The following EPB41L3 variants were observed in gnomAD, a reference collection of about 807,000 sequenced individuals.
The protein encoded by EPB41L3 is erythrocyte membrane protein band 4.1 like 3, also known as band 4.1-like protein 3.
A neutral mutation model predicts 127.1 loss-of-function variants in EPB41L3; 57 were observed. That is an observed-to-expected ratio of 0.45 (90% confidence interval 0.36 to 0.56). EPB41L3 has a LOEUF of 0.56. Among genes scored for constraint, EPB41L3 ranks in the 20% least tolerant of loss-of-function variants. EPB41L3 has a pLI of 0.00. For synonymous variants in EPB41L3, 572 were observed against 549.5 expected, an observed-to-expected ratio of 1.04 and a Z score of -0.57; for missense variants, 1,273 against 1,372.2, an observed-to-expected ratio of 0.93 and a Z score of 1.14.
intron 1 of EPB41L3, among the ~76,000 whole-genome samples, chr18:5,535,015 T>G (rs751628558): frequency 1.5e-4 from 22 of 151,698 alleles, no homozygotes; most frequent in Non-Finnish European, 2.8e-4. Context: ...GGTGGGTGAG[T>G]CAGCATTACC....
intron 3 of EPB41L3, among the ~76,000 whole-genome samples, chr18:5,590,277 ACT>A (rs1010126693): frequency 5.3e-5 from 8 of 152,026 alleles, no homozygotes; most frequent in African/African-American, 1.7e-4. Context: ...TGCACCTCTG[ACT>A]CTGCAGAGTA....
chr18:5,502,957 G>C (rs760141640), intron 1 of EPB41L3, among the ~76,000 whole-genome samples: 1 of 152,054 alleles, frequency 6.6e-6, no homozygotes, highest in African/African-American at 2.4e-5. Flanking sequence ...TCAAGCCCAC[G>C]GTTTTCCACA....
intron 15 of EPB41L3, 175 bp from the exon 16 acceptor site, chr18:5,407,143 T>C (rs1344871486): frequency 6.6e-6 from 4 of 604,092 alleles, no homozygotes; most frequent in Non-Finnish European, 1.1e-5. Flanking sequence ...GATTTTCCCA[T>C]GGAAAGGAAA....
chr18:5,410,703 G>A (rs947517373), intron 13 of EPB41L3, 84 bp from the exon 14 acceptor site: 9 of 1,003,974 alleles, frequency 9.0e-6, no homozygotes, highest in Non-Finnish European at 1.4e-5. Context: ...TCTGGCACAG[G>A]TCAGACAGGT....
At chr18:5,411,835 G>A (rs2076236135) in intron 13 of EPB41L3, among the ~76,000 whole-genome samples, 1 of 152,082 alleles carries the variant, frequency 6.6e-6, no homozygotes. Flanking sequence ...CTAGCCACAT[G>A]TTTCATGTTA....
chr18:5,455,709 G>A (rs1304668718), intron 3 of EPB41L3, among the ~76,000 whole-genome samples: 1 of 150,608 alleles, frequency 6.6e-6, no homozygotes, highest in African/African-American at 2.5e-5. Flanking sequence ...GATGTGCACT[G>A]TGGTAGATGA....
intron 8 of EPB41L3, chr18:5,429,495 T>G (rs2078684514): frequency 6.6e-6 from 1 of 152,156 alleles, no homozygotes; most frequent in Admixed American, 6.5e-5. Flanking sequence ...TCCCACTGAT[T>G]GTTGGAAGCA....
chr18:5,434,590 T>C (rs1311658474), intron 6 of EPB41L3, among the ~76,000 whole-genome samples: 1 of 152,184 alleles, frequency 6.6e-6, no homozygotes. Context: ...CATGAGATTA[T>C]AATGGAGCTA....
intron 3 of EPB41L3, among the ~76,000 whole-genome samples, chr18:5,449,337 G>A (rs891275389): frequency 2.6e-5 from 4 of 152,204 alleles, no homozygotes; most frequent in Non-Finnish European, 4.4e-5. Flanking sequence ...AACACCAAGT[G>A]CTGGTGATGA....
chr18:5,500,365 G>A (rs1214133739), intron 1 of EPB41L3, among the ~76,000 whole-genome samples: 1 of 152,166 alleles, frequency 6.6e-6, no homozygotes, highest in Non-Finnish European at 1.5e-5. Flanking sequence ...AAGGAGGTGT[G>A]AACCACAGAG....
intron 3 of EPB41L3, among the ~76,000 whole-genome samples, chr18:5,551,581 G>A (rs569820678): frequency 3.6e-4 from 55 of 152,196 alleles, no homozygotes; most frequent in South Asian, 2.7e-3. Context: ...TTAGCCTGGC[G>A]TAGTGGAGCA....
intron 6 of EPB41L3, among the ~76,000 whole-genome samples, chr18:5,435,275 A>G (rs2079595641): frequency 6.6e-6 from 1 of 152,198 alleles, no homozygotes; most frequent in Admixed American, 6.5e-5. Flanking sequence ...ATGTGGCCTA[A>G]GTATACAGTG....
chr18:5,619,847 G>A (rs368293427), intron 1 of EPB41L3, among the ~76,000 whole-genome samples: 38 of 152,240 alleles, frequency 2.5e-4, no homozygotes, highest in South Asian at 6.2e-4. Context: ...AAAAGGAAAG[G>A]AAAATAATAA....
At position 5,395,723 on chromosome 18, in the gene EPB41L3, C is replaced by T. The variant is rs568894598; in HGVS notation, c.2974-16G>A. 5 of 1,606,858 alleles carry T rather than the reference C, an allele frequency of 3.1e-6. No homozygotes were observed. The African/African-American group carries it at 5.3e-5, about 17-fold the overall frequency. On this transcript the variant is annotated splice_polypyrimidine_tract_variant and intron_variant, in intron 19 of 22. Coordinates refer to ENST00000341928, the MANE Select transcript of EPB41L3 (RefSeq NM_012307.5). ...CTGGATCGACCTAAAGCAGCAGAGG[C>T]ATAGACCCCTCATCCAGGTGCTCAC...
chr18:5,471,786 G>A (rs1239082794), intron 3 of EPB41L3, among the ~76,000 whole-genome samples: 2 of 152,136 alleles, frequency 1.3e-5, no homozygotes, highest in African/African-American at 2.4e-5. Context: ...AGCTTTGCAC[G>A]AAAAGGCAAA....
In EPB41L3 at chr18:5,610,287, C is replaced by T. The variant is rs2094711139; in HGVS notation, c.-306+2053G>A. ...TTTAGACATTGTTCAACAACTGATG[C>T]TACCTTATCCCATTCTGAGCACGAG... is the stretch of plus-strand genomic sequence containing the variant. On this transcript the variant is annotated intron_variant, in intron 3 of 21. Coordinates refer to the EPB41L3 transcript ENST00000545076. The T allele has an allele frequency of 3.0e-6, 3 of 985,266 alleles. No individual in the cohort carries two copies. In the South Asian group the frequency reaches 1.4e-4, roughly 46 times the overall value. The allele number at this position is 985,266 out of a possible 1,614,324, so 61.0% of individuals were successfully genotyped here. A position where few individuals can be genotyped will look rare whatever the true frequency, so the allele number is the denominator to read the frequency against.
intron 3 of EPB41L3, among the ~76,000 whole-genome samples, chr18:5,465,419 C>T (rs952145900): frequency 4.6e-5 from 7 of 152,036 alleles, no homozygotes; most frequent in African/African-American, 9.7e-5. Context: ...AAATATTTTT[C>T]GGTGTCTTAT....
At chr18:5,505,212 G>A (rs1308372768) in intron 1 of EPB41L3, among the ~76,000 whole-genome samples, 1 of 152,102 alleles carries the variant, frequency 6.6e-6, no homozygotes, top group Non-Finnish European at 1.5e-5. Context: ...AACACTTGAA[G>A]TTTCTCCCCA....
chr18:5,474,038 T>C (rs1010827805), intron 3 of EPB41L3, among the ~76,000 whole-genome samples: 5 of 152,158 alleles, frequency 3.3e-5, no homozygotes, highest in African/African-American at 1.2e-4. Context: ...GAGACCATCT[T>C]GGCTAACGTG....
Sources: allele counts gnomAD v4.1 joint callset (sites outside exome capture counted in the v4.1 genomes callset), GRCh38; gene constraint gnomAD v4.1.1; transcripts MANE v1.5; gene names NCBI Gene and HGNC (gene_info 2026-07-23, HGNC 2026-07-21).